The following ALK variants were observed in gnomAD, a reference collection of about 807,000 sequenced individuals.
The protein encoded by ALK is ALK receptor tyrosine kinase.
Under a neutral mutation model 163.1 loss-of-function variants are expected in ALK, and 74 were observed. The ratio of observed to expected loss-of-function variants is 0.45; its 90% CI spans 0.38 to 0.55. ALK has a LOEUF of 0.55. Among genes scored for constraint, ALK ranks in the 20% least tolerant of loss-of-function variants. The pLI is 0.00. For missense variants in ALK, 2,063 were observed against 2,105.3 expected (o/e 0.98, Z 0.39); for synonymous variants, 960 against 843.2 (o/e 1.14, Z -2.40).
At chr2:29,315,047 A>G (rs1182715275) in intron 8 of ALK, among the ~76,000 whole-genome samples, 1 of 152,194 alleles carries the variant, frequency 6.6e-6, no homozygotes, top group East Asian at 1.9e-4. Flanking sequence ...AATAAAAATA[A>G]CATCAGAATA....
chr2:29,750,665 A>T (rs1354294893), intron 1 of ALK, among the ~76,000 whole-genome samples: 1 of 130,068 alleles, frequency 7.7e-6, no homozygotes, highest in East Asian at 2.3e-4. Flanking sequence ...GGAAGGAAGG[A>T]AGGAAGGAAG....
intron 1 of ALK, among the ~76,000 whole-genome samples, chr2:29,806,174 G>A (rs983461581): frequency 1.3e-5 from 2 of 152,106 alleles, no homozygotes; most frequent in Admixed American, 6.5e-5. Context: ...GAATCCCTTA[G>A]GATGGTCTTA....
intron 1 of ALK, among the ~76,000 whole-genome samples, chr2:29,848,574 T>C (rs1313303724): frequency 6.6e-6 from 1 of 152,122 alleles, no homozygotes; most frequent in East Asian, 1.9e-4. Flanking sequence ...TAAATGTTAA[T>C]GAATTTGTGT....
At chr2:29,536,511 C>A (rs4665466) in intron 3 of ALK, among the ~76,000 whole-genome samples, 18,456 of 152,192 alleles carry the variant, frequency 0.12, 1,501 homozygotes, top group East Asian at 0.34. Context: ...CCAATTAAAT[C>A]TCTTTTCTTT....
At chr2:29,840,149 A>G (rs1272816698) in intron 1 of ALK, among the ~76,000 whole-genome samples, 2 of 152,162 alleles carry the variant, frequency 1.3e-5, no homozygotes, top group Non-Finnish European at 2.9e-5. Flanking sequence ...ACAAACAAAA[A>G]CAAACCCAGA....
Position 29,372,731 on chromosome 2 carries a change from T to A in ALK, c.1282+11001A>T, listed in dbSNP as rs1288483915. On this transcript the variant is annotated intron_variant, in intron 5 of 28. Coordinates refer to ENST00000389048, the MANE Select transcript of ALK (RefSeq NM_004304.5). ...TCTTCTCCAAGTCCTATATCTTCTT[T>A]CCACTGTCCATGATGCTGTATCCCT... 4.6e-5 allele frequency among the ~76,000 whole-genome samples: 7 copies of A among 152,338 alleles called. No homozygotes were observed. The East Asian group carries it at 1.3e-3, about 29-fold the overall frequency.
chr2:29,426,239 CCACTGCA>C (rs1670133423), intron 4 of ALK, among the ~76,000 whole-genome samples: 1 of 152,024 alleles, frequency 6.6e-6, no homozygotes, highest in African/African-American at 2.4e-5. Context: ...GAAAGGCTTC[CCACTGCA>C]GGGAAATAGA....
At chr2:29,526,262 C>T (rs1672957946) in intron 4 of ALK, among the ~76,000 whole-genome samples, 1 of 152,168 alleles carries the variant, frequency 6.6e-6, no homozygotes, top group Non-Finnish European at 1.5e-5. Flanking sequence ...AAAGATGAGG[C>T]TTGTAGAGAT....
At chr2:29,391,364 C>T (rs909428237) in intron 4 of ALK, among the ~76,000 whole-genome samples, 2 of 150,954 alleles carry the variant, frequency 1.3e-5, no homozygotes, top group Non-Finnish European at 2.9e-5. Flanking sequence ...TGCAGTGGCA[C>T]GATCTTGGCT....
intron 4 of ALK, among the ~76,000 whole-genome samples, chr2:29,459,042 T>C (rs752596228): frequency 1.3e-5 from 2 of 152,114 alleles, no homozygotes; most frequent in Non-Finnish European, 2.9e-5. Context: ...CACCTAGAGG[T>C]CCACCTTCAG....
At chr2:29,532,145 C>T (rs1249894945) in intron 3 of ALK, 29 bp from the exon 4 acceptor site, 1 of 1,604,390 alleles carries the variant, frequency 6.2e-7, no homozygotes, top group Non-Finnish European at 8.5e-7. Flanking sequence ...AACGAATCTG[C>T]AGATGTGTTC....
chr2:29,681,252 G>A (rs949279105), intron 3 of ALK: 9 of 152,166 alleles, frequency 5.9e-5, no homozygotes, highest in South Asian at 4.1e-4. Flanking sequence ...TCAGAACTCC[G>A]GGGTTTAAGC....
intron 1 of ALK, among the ~76,000 whole-genome samples, chr2:29,754,007 C>T (rs577499904): frequency 9.2e-5 from 14 of 152,134 alleles, no homozygotes; most frequent in South Asian, 4.1e-4. Context: ...CCACCGACCG[C>T]GCACTATACA....
At chr2:29,559,400 G>A (rs543919936) in intron 3 of ALK, among the ~76,000 whole-genome samples, 1 of 152,336 alleles carries the variant, frequency 6.6e-6, no homozygotes, top group East Asian at 1.9e-4. Flanking sequence ...CCCAGCAGAG[G>A]CGTATGGGCT....
intron 26 of ALK, among the ~76,000 whole-genome samples, chr2:29,200,793 G>GTGTATATATA (rs1669153639): frequency 1.5e-5 from 2 of 134,890 alleles, no homozygotes; most frequent in Admixed American, 1.6e-4. Flanking sequence ...GTATATACAT[G>GTGTATATATA]TATACATATA....
chr2:29,818,781 T>C (rs1664966402), intron 1 of ALK, among the ~76,000 whole-genome samples: 2 of 152,238 alleles, frequency 1.3e-5, no homozygotes, highest in African/African-American at 4.8e-5. Context: ...GCTGCAGAGA[T>C]ATCATTAGTA....
chr2:29,585,364 T>C (rs1323243630), intron 3 of ALK, among the ~76,000 whole-genome samples: 1 of 151,828 alleles, frequency 6.6e-6, no homozygotes, highest in Admixed American at 6.6e-5. Flanking sequence ...CTTGCTCTTG[T>C]CACCCAAGCT....
At chr2:29,263,630 A>C (rs772139435) in intron 11 of ALK, among the ~76,000 whole-genome samples, 7 of 152,156 alleles carry the variant, frequency 4.6e-5, no homozygotes, top group Admixed American at 1.3e-4. Flanking sequence ...GAGAAGGCAA[A>C]GTGTGTAAGA....
chr2:29,406,564 A>T (rs184325067), intron 4 of ALK, among the ~76,000 whole-genome samples: 1 of 152,200 alleles, frequency 6.6e-6, no homozygotes, highest in South Asian at 2.1e-4. Context: ...CAGAGCCTGC[A>T]TGGAGCTGGG....
Sources: allele counts gnomAD v4.1 joint callset (sites outside exome capture counted in the v4.1 genomes callset), GRCh38; gene constraint gnomAD v4.1.1; transcripts MANE v1.5; gene names NCBI Gene and HGNC (gene_info 2026-07-23, HGNC 2026-07-21).